LINGO2: variants seen among roughly 807,000 people sequenced by gnomAD.
LINGO2 encodes leucine-rich repeat and immunoglobulin-like domain-containing nogo receptor-interacting protein 2.
LINGO2 carries 14 observed loss-of-function variants against 30.6 expected under a neutral mutation model. The observed-to-expected ratio is 0.46, with a 90% CI of 0.30 to 0.72. The LOEUF (loss-of-function observed/expected upper bound fraction) is 0.72, where lower values mean the gene tolerates loss of function less well. Among genes scored for constraint, LINGO2 ranks in the 30% least tolerant of loss-of-function variants. The probability of loss-of-function intolerance (pLI) is 0.07; values close to 1 mark genes in which losing one functional copy is unlikely to be tolerated. For missense variants in LINGO2, 729 were observed against 751.7 expected (o/e 0.97, Z 0.35); for synonymous variants, 317 against 288.5 (o/e 1.10, Z -1.00).
chr9:28,511,407 C>T (rs552888469), intron 1 of LINGO2, among the ~76,000 whole-genome samples: 14 of 152,196 alleles, frequency 9.2e-5, no homozygotes, highest in African/African-American at 2.6e-4. Context: ...CAGCAGTGGC[C>T]GTAGCCAGGT....
intron 5 of LINGO2, among the ~76,000 whole-genome samples, chr9:27,957,028 G>A (rs553406152): frequency 1.5e-4 from 23 of 152,302 alleles, no homozygotes; most frequent in African/African-American, 5.3e-4. Flanking sequence ...TGAGGAGTTC[G>A]AAGCTGCAGT....
chr9:27,939,153 C>T, the LINGO2 span: 1 of 151,078 alleles, frequency 6.6e-6, no homozygotes, highest in Admixed American at 6.6e-5. Flanking sequence ...ATTAAATTCT[C>T]TTACACATGC....
At chr9:28,801,123 C>G in the LINGO2 span, among the ~76,000 whole-genome samples, 2 of 152,142 alleles carry the variant, frequency 1.3e-5, no homozygotes, top group East Asian at 3.9e-4. Flanking sequence ...AAGCATTAAC[C>G]CTCAAATACA....
intron 4 of LINGO2, among the ~76,000 whole-genome samples, chr9:28,139,752 A>T (rs1265563197): frequency 6.6e-6 from 1 of 152,240 alleles, no homozygotes; most frequent in East Asian, 1.9e-4. Flanking sequence ...AAAAAAAATA[A>T]GGGAAAATAC....
At chr9:27,957,005 G>C (rs2150995) in intron 5 of LINGO2, among the ~76,000 whole-genome samples, 1 of 151,986 alleles carries the variant, frequency 6.6e-6, no homozygotes, top group Non-Finnish European at 1.5e-5. Flanking sequence ...TGAGGTGGGA[G>C]AATTGCTTGA....
the LINGO2 span, among the ~76,000 whole-genome samples, chr9:28,899,485 G>C: frequency 6.6e-6 from 1 of 152,136 alleles, no homozygotes; most frequent in Non-Finnish European, 1.5e-5. Flanking sequence ...ACAGCACCAG[G>C]CTGACCCCAG....
intron 4 of LINGO2, among the ~76,000 whole-genome samples, chr9:28,120,678 A>G (rs1337433278): frequency 6.6e-6 from 1 of 152,174 alleles, no homozygotes; most frequent in Non-Finnish European, 1.5e-5. Flanking sequence ...CAGAATTTCT[A>G]GATGTAAAAT....
intron 4 of LINGO2, among the ~76,000 whole-genome samples, chr9:28,252,861 C>G (rs1050828227): frequency 6.6e-6 from 1 of 151,958 alleles, no homozygotes; most frequent in African/African-American, 2.4e-5. Context: ...GGTTATCAAG[C>G]TCACAGCCAA....
intron 4 of LINGO2, among the ~76,000 whole-genome samples, chr9:28,157,733 A>T (rs1828174036): frequency 6.6e-6 from 1 of 152,156 alleles, no homozygotes; most frequent in Admixed American, 6.5e-5. Flanking sequence ...ATTTCTTCCA[A>T]GAGATACCCT....
the LINGO2 span, among the ~76,000 whole-genome samples, chr9:28,751,062 T>A: frequency 6.6e-6 from 1 of 151,718 alleles, no homozygotes; most frequent in Non-Finnish European, 1.5e-5. Context: ...AACAGGAGTT[T>A]GAGACCAACC....
chr9:29,212,315 G>A, the LINGO2 span, among the ~76,000 whole-genome samples: 6 of 151,780 alleles, frequency 4.0e-5, no homozygotes, highest in African/African-American at 1.4e-4. Flanking sequence ...GCCGCCTCCT[G>A]GCGCCCCCAC....
At chr9:28,192,313 C>T (rs1819851740) in intron 4 of LINGO2, among the ~76,000 whole-genome samples, 1 of 151,826 alleles carries the variant, frequency 6.6e-6, no homozygotes, top group Non-Finnish European at 1.5e-5. Context: ...AGTGGCTTTT[C>T]ATATTTTTCA....
At chr9:28,178,611 C>A (rs564079315) in intron 4 of LINGO2, among the ~76,000 whole-genome samples, 62 of 152,248 alleles carry the variant, frequency 4.1e-4, no homozygotes, top group African/African-American at 1.5e-3. Context: ...GTTCACGGAA[C>A]ATTTTGTTCT....
At chr9:28,428,736 C>G (rs1435359553) in intron 2 of LINGO2, among the ~76,000 whole-genome samples, 1 of 152,122 alleles carries the variant, frequency 6.6e-6, no homozygotes, top group African/African-American at 2.4e-5. Context: ...GATTTGGAAT[C>G]AGACACACCT....
chr9:28,706,462 T>C, the LINGO2 span, among the ~76,000 whole-genome samples: 2 of 152,146 alleles, frequency 1.3e-5, no homozygotes, highest in African/African-American at 4.8e-5. Context: ...GATTAGTCTA[T>C]TAAAGATTAG....
At chr9:28,133,434 G>A (rs1827431148) in intron 4 of LINGO2, among the ~76,000 whole-genome samples, 1 of 152,102 alleles carries the variant, frequency 6.6e-6, no homozygotes, top group Non-Finnish European at 1.5e-5. Context: ...CAATTAGAAG[G>A]ATGATATATG....
At chr9:29,139,920 C>T in the LINGO2 span, among the ~76,000 whole-genome samples, 10 of 151,570 alleles carry the variant, frequency 6.6e-5, no homozygotes, top group African/African-American at 2.4e-4. Context: ...AGAGAACCTG[C>T]AGAGCCATAG....
At chr9:28,717,511 C>A in the LINGO2 span, among the ~76,000 whole-genome samples, 1 of 151,854 alleles carries the variant, frequency 6.6e-6, no homozygotes, top group African/African-American at 2.4e-5. Flanking sequence ...CAACAGTAAA[C>A]AATAAAGACT....
the LINGO2 span, among the ~76,000 whole-genome samples, chr9:28,844,080 C>T: frequency 2.6e-5 from 4 of 151,718 alleles, no homozygotes; most frequent in South Asian, 6.2e-4. Flanking sequence ...TGACAGGAAA[C>T]GTCGGGCACA....
Sources: allele counts gnomAD v4.1 joint callset (sites outside exome capture counted in the v4.1 genomes callset), GRCh38; gene constraint gnomAD v4.1.1; transcripts MANE v1.5; gene names NCBI Gene and HGNC (gene_info 2026-07-23, HGNC 2026-07-21).